The following NGF variants were observed in gnomAD, a reference collection of about 807,000 sequenced individuals.
NGF encodes the protein nerve growth factor.
NGF carries 4 observed loss-of-function variants against 12.8 expected under a neutral mutation model. The ratio of observed to expected loss-of-function variants is 0.31; its 90% CI spans 0.15 to 0.72. The LOEUF (loss-of-function observed/expected upper bound fraction) is 0.72, where lower values mean the gene tolerates loss of function less well. NGF is among the 30% of genes least tolerant of loss of function. NGF has a pLI of 0.69. For missense variants in NGF, 283 were observed against 330.8 expected (o/e 0.86, Z 1.12); for synonymous variants, 140 against 130.0 (o/e 1.08, Z -0.52).
intron 1 of NGF, among the ~76,000 whole-genome samples, chr1:115,334,923 C>T (rs1017528002): frequency 1.3e-5 from 2 of 152,178 alleles, no homozygotes; most frequent in African/African-American, 4.8e-5. Flanking sequence ...CTCAAGGTCA[C>T]AAAGCTACTT....
intron 2 of NGF, among the ~76,000 whole-genome samples, chr1:115,290,758 T>C (rs1653670620): frequency 6.6e-6 from 1 of 152,162 alleles, no homozygotes; most frequent in South Asian, 2.1e-4. Context: ...TTATCCTCCC[T>C]TCTAGAGGAC....
At chr1:115,331,618 T>C (rs1368577997) in intron 1 of NGF, among the ~76,000 whole-genome samples, 1 of 152,246 alleles carries the variant, frequency 6.6e-6, no homozygotes, top group Non-Finnish European at 1.5e-5. Flanking sequence ...TTTTGGCTTT[T>C]CTTGAAAAGT....
chr1:115,330,392 A>C (rs1422844280), intron 1 of NGF, among the ~76,000 whole-genome samples: 1 of 152,244 alleles, frequency 6.6e-6, no homozygotes, highest in East Asian at 1.9e-4. Context: ...CAGAACCTAA[A>C]GAAGTCATCT....
intron 1 of NGF, among the ~76,000 whole-genome samples, chr1:115,299,841 T>C (rs1386361364): frequency 6.6e-6 from 1 of 152,242 alleles, no homozygotes; most frequent in Non-Finnish European, 1.5e-5. Flanking sequence ...GGCCTTTCGC[T>C]GATCCGTTGT....
intron 1 of NGF, among the ~76,000 whole-genome samples, chr1:115,303,474 C>T (rs1654101241): frequency 1.3e-5 from 2 of 151,942 alleles, no homozygotes; most frequent in South Asian, 4.2e-4. Flanking sequence ...TCTCCATCAC[C>T]ATCATCACCA....
rs1220883306 is a variant in NGF, at chr1:115,337,274, T to G, written c.-137+930A>C. Among the ~76,000 whole-genome samples, 564 of 69,420 alleles carry G rather than the reference T, an allele frequency of 8.1e-3. 60 individuals carry two copies. The highest frequency in any genetic ancestry group is 0.04 in the East Asian group (58 of 1,454). The allele number at this position is 69,420 out of a possible 152,430, so 45.5% of individuals were successfully genotyped here. A position where few individuals can be genotyped will look rare whatever the true frequency, so the allele number is the denominator to read the frequency against. ...TTTTTTTGTTTTGTTTTTGTTTTTT[T>G]TTTTTTTTTTTTTTTTTTTTTTTTT... On this transcript the variant is annotated intron_variant, in intron 1 of 2. Transcript: ENST00000369512.
intron 1 of NGF, among the ~76,000 whole-genome samples, chr1:115,303,104 C>T (rs1162677149): frequency 1.3e-5 from 2 of 151,416 alleles, no homozygotes; most frequent in African/African-American, 4.9e-5. Context: ...CAAACAAACA[C>T]CAAAAATTTC....
intron 2 of NGF, among the ~76,000 whole-genome samples, chr1:115,288,150 T>A (rs974636073): frequency 2.0e-5 from 3 of 152,168 alleles, no homozygotes; most frequent in Non-Finnish European, 4.4e-5. Flanking sequence ...TCAAAAATGA[T>A]CTTTTGCCAT....
At chr1:115,298,438 G>T (rs1653937232) in intron 1 of NGF, among the ~76,000 whole-genome samples, 1 of 152,084 alleles carries the variant, frequency 6.6e-6, no homozygotes, top group South Asian at 2.1e-4. Context: ...GGATTCAGGG[G>T]AATAGTTACA....
intron 1 of NGF, among the ~76,000 whole-genome samples, chr1:115,324,087 C>T (rs1181084304): frequency 6.6e-6 from 1 of 152,186 alleles, no homozygotes; most frequent in Non-Finnish European, 1.5e-5. Flanking sequence ...TGAGATGGTA[C>T]AAGGGGCTCA....
chr1:115,290,169 C>T (rs1024985469), intron 2 of NGF, among the ~76,000 whole-genome samples: 9 of 152,022 alleles, frequency 5.9e-5, no homozygotes, highest in South Asian at 2.1e-4. Context: ...GTTTGCATTC[C>T]GAGTGCACAA....
At chr1:115,317,512 A>G (rs1248400516) in intron 1 of NGF, among the ~76,000 whole-genome samples, 2 of 152,208 alleles carry the variant, frequency 1.3e-5, no homozygotes, top group East Asian at 3.8e-4. Flanking sequence ...GAAATCTATG[A>G]AGTCTGGATG....
At chr1:115,310,858 G>A (rs139035647) in intron 1 of NGF, among the ~76,000 whole-genome samples, 29 of 152,168 alleles carry the variant, frequency 1.9e-4, no homozygotes, top group Non-Finnish European at 3.4e-4. Context: ...TGGGGCAAGG[G>A]GTGTGGGGTG....
intron 1 of NGF, among the ~76,000 whole-genome samples, chr1:115,299,827 T>C (rs1421112501): frequency 6.6e-6 from 1 of 152,232 alleles, no homozygotes; most frequent in Non-Finnish European, 1.5e-5. Flanking sequence ...TCAGTGATGC[T>C]TTTGGCCTTT....
intron 1 of NGF, among the ~76,000 whole-genome samples, chr1:115,319,591 C>T (rs887079016): frequency 1.1e-4 from 17 of 152,152 alleles, no homozygotes; most frequent in African/African-American, 4.1e-4. Flanking sequence ...AATGGTAGTG[C>T]GGGTACAAGG....
chr1:115,329,786 C>G (rs1294016022), intron 1 of NGF, among the ~76,000 whole-genome samples: 3 of 106,558 alleles, frequency 2.8e-5, no homozygotes, highest in African/African-American at 1.1e-4. Context: ...TCTCACTTAT[C>G]TTGCCCAGGC....
chr1:115,304,570 A>G (rs1053263106), intron 1 of NGF, among the ~76,000 whole-genome samples: 13 of 152,042 alleles, frequency 8.6e-5, no homozygotes, highest in African/African-American at 2.9e-4. Flanking sequence ...AGGTAGGTGC[A>G]CAATTTTTGC....
At chr1:115,294,034 A>G (rs1653788921) in intron 1 of NGF, among the ~76,000 whole-genome samples, 1 of 152,228 alleles carries the variant, frequency 6.6e-6, no homozygotes, top group South Asian at 2.1e-4. Context: ...AGGTGTTTCT[A>G]GACACATGCC....
intron 1 of NGF, among the ~76,000 whole-genome samples, chr1:115,321,868 A>G (rs61799439): frequency 7.2e-5 from 11 of 152,150 alleles, no homozygotes; most frequent in Non-Finnish European, 1.0e-4. Context: ...GGGCAGGTGT[A>G]AGTCTTAAAT....
Sources: gnomAD v4.1 joint callset for allele counts (sites outside exome capture counted in the v4.1 genomes callset) on GRCh38, gnomAD v4.1.1 for gene constraint, MANE v1.5 for transcripts, NCBI Gene and HGNC (gene_info 2026-07-23, HGNC 2026-07-21) for gene names.